Variants in UTRN observed in about 807,000 individuals in gnomAD.
UTRN encodes the protein utrophin, also known as dystrophin-related protein 1.
In UTRN, 283 loss-of-function variants were observed where a neutral mutation model predicts 463.9. That is an observed-to-expected ratio of 0.61 (90% CI 0.55 to 0.67). UTRN has a LOEUF of 0.67. Among genes scored for constraint, UTRN ranks in the 30% least tolerant of loss-of-function variants. UTRN has a pLI of 0.00. For synonymous variants in UTRN, 1,442 were observed against 1,431.5 expected (o/e 1.01, Z -0.17); for missense variants, 3,922 against 4,084.3 (o/e 0.96, Z 1.08).
chr6:144,811,908 C>T (rs1403657596), intron 65 of UTRN, among the ~76,000 whole-genome samples: 1 of 152,104 alleles, frequency 6.6e-6, no homozygotes, highest in Non-Finnish European at 1.5e-5. Context: ...TGTGCATGAT[C>T]CAAATGATAA....
intron 65 of UTRN, among the ~76,000 whole-genome samples, chr6:144,815,744 C>G (rs981774696): frequency 6.6e-6 from 1 of 152,198 alleles, no homozygotes; most frequent in African/African-American, 2.4e-5. Flanking sequence ...TGGTACCCAC[C>G]GGGTTTGAGG....
intron 52 of UTRN, among the ~76,000 whole-genome samples, chr6:144,686,645 C>A (rs1327581361): frequency 6.6e-6 from 1 of 151,652 alleles, no homozygotes; most frequent in African/African-American, 2.4e-5. Flanking sequence ...TATATAATGA[C>A]CTTCTTTGTC....
intron 51 of UTRN, among the ~76,000 whole-genome samples, chr6:144,589,963 C>T (rs543207494): frequency 7.9e-5 from 12 of 151,898 alleles, no homozygotes; most frequent in East Asian, 3.9e-4. Flanking sequence ...GCTATCCTCC[C>T]GCCTCAGCCT....
chr6:144,521,953 A>T lies in UTRN; in HGVS notation c.5542-27A>T, dbSNP rs182507639. The T allele has an allele frequency of 0.037, 37,820 of 1,033,726 alleles. 1,870 individuals are homozygous for T. The highest frequency in any genetic ancestry group is 0.25 in the African/African-American group (13,065 of 52,616). The allele number at this position is 1,033,726 out of a possible 1,614,324, so 64.0% of individuals were successfully genotyped here. On this transcript the variant is annotated intron_variant, in intron 39 of 74. Coordinates refer to ENST00000367545, the MANE Select transcript of UTRN (RefSeq NM_007124.3). Reference sequence around the variant, plus strand: ...TTTTAAGAGATATATATATATATATATATTTTTTTTTTTGCTGTTTTTGTA... The same window carrying T: ...TTTTAAGAGATATATATATATATATTTATTTTTTTTTTTGCTGTTTTTGTA...
chr6:144,846,332 A>C (rs1177421111), intron 73 of UTRN, among the ~76,000 whole-genome samples: 1 of 152,212 alleles, frequency 6.6e-6, no homozygotes. Context: ...TCCTTGATGC[A>C]AGTACTTGGC....
intron 58 of UTRN, among the ~76,000 whole-genome samples, chr6:144,759,401 G>A (rs537730719): frequency 2.6e-5 from 4 of 152,058 alleles, no homozygotes; most frequent in Non-Finnish European, 5.9e-5. Flanking sequence ...ACTTTAATTT[G>A]CTTGGTTGAA....
At chr6:144,842,900 G>T (rs1781711818) in intron 73 of UTRN, among the ~76,000 whole-genome samples, 1 of 151,948 alleles carries the variant, frequency 6.6e-6, no homozygotes, top group Non-Finnish European at 1.5e-5. Context: ...AGCTTAAGAG[G>T]ATCACTGAAT....
At chr6:144,760,429 T>C (rs1330437187) in intron 58 of UTRN, among the ~76,000 whole-genome samples, 1 of 152,204 alleles carries the variant, frequency 6.6e-6, no homozygotes, top group East Asian at 1.9e-4. Context: ...TTAAAATATA[T>C]GTAGTTTTAG....
intron 23 of UTRN, among the ~76,000 whole-genome samples, chr6:144,468,712 AT>A (rs1270838323): frequency 1.3e-5 from 2 of 152,160 alleles, no homozygotes; most frequent in Non-Finnish European, 2.9e-5. Context: ...TAATTTTTAA[AT>A]GGACAGAGAA....
intron 54 of UTRN, among the ~76,000 whole-genome samples, chr6:144,736,774 C>A (rs895865756): frequency 5.9e-5 from 9 of 152,172 alleles, no homozygotes; most frequent in African/African-American, 2.2e-4. Context: ...CCATCCGGCC[C>A]CACCTTGTGC....
chr6:144,287,216 T>A lies in UTRN; in HGVS notation c.-93+1395T>A, dbSNP rs549439849. On this transcript the variant is annotated intron_variant, in intron 1 of 74. Transcript: ENST00000367545. ...GTAGTTCTGCGGTGACGGACAGGGT[T>A]GGCGTGGAACCATTCCCCGCCCCTT... Among the ~76,000 whole-genome samples the A allele has an allele frequency of 2.5e-3, 384 of 152,280 alleles. 5 individuals carry two copies. Among genetic ancestry groups the A allele is most frequent in the Non-Finnish European group, 1.9e-3 (129 of 68,024 alleles).
At chr6:144,469,708 T>A (rs1231912211) in intron 23 of UTRN, among the ~76,000 whole-genome samples, 1 of 150,164 alleles carries the variant, frequency 6.7e-6, no homozygotes, top group Non-Finnish European at 1.5e-5. Flanking sequence ...CTTTCCTTTT[T>A]TTTTTTAGTA....
intron 41 of UTRN, among the ~76,000 whole-genome samples, chr6:144,526,785 C>A (rs1434205980): frequency 8.2e-6 from 1 of 121,938 alleles, no homozygotes; most frequent in Non-Finnish European, 1.7e-5. Flanking sequence ...TTAATAGGTT[C>A]TTTGAGATCT....
At chr6:144,342,363 A>ACACACC (rs1195748690) in intron 2 of UTRN, among the ~76,000 whole-genome samples, 1 of 151,382 alleles carries the variant, frequency 6.6e-6, no homozygotes, top group Admixed American at 6.6e-5. Context: ...ACACACACAC[A>ACACACC]CACACACACA....
At chr6:144,774,898 T>G (rs1775184212) in intron 60 of UTRN, among the ~76,000 whole-genome samples, 1 of 152,214 alleles carries the variant, frequency 6.6e-6, no homozygotes, top group Non-Finnish European at 1.5e-5. Context: ...TGGAATTCTG[T>G]GGCAGTCCTT....
chr6:144,452,104 T>A lies in UTRN; in HGVS notation c.2196+611T>A, dbSNP rs181019353. ...ATCTATAGTCTAGTCTCCTGCCATC[T>A]TAAGAGGTAGCAAAAAATCAACTTG... On this transcript the variant is annotated intron_variant, in intron 18 of 74. Transcript: ENST00000367545. Among the ~76,000 whole-genome samples the A allele has an allele frequency of 3.3e-5, 5 of 152,338 alleles. No homozygotes were observed. The East Asian group carries it at 9.6e-4, about 29-fold the overall frequency.
intron 54 of UTRN, among the ~76,000 whole-genome samples, chr6:144,732,677 T>TGTTAC (rs1457738696): frequency 6.7e-6 from 1 of 149,796 alleles, no homozygotes; most frequent in African/African-American, 2.5e-5. Flanking sequence ...TGTTATGTTA[T>TGTTAC]GTTATGTTAT....
chr6:144,768,530 TA>T (rs768740454), intron 58 of UTRN, among the ~76,000 whole-genome samples: 4 of 152,120 alleles, frequency 2.6e-5, no homozygotes, highest in South Asian at 4.1e-4. Flanking sequence ...TAACTCATAG[TA>T]AGGGAACCAG....
At chr6:144,399,140 C>T (rs945837678) in intron 2 of UTRN, among the ~76,000 whole-genome samples, 2 of 151,970 alleles carry the variant, frequency 1.3e-5, no homozygotes, top group South Asian at 2.1e-4. Context: ...CAGTCTGTAT[C>T]CTGTTGGCTT....
Sources: allele counts gnomAD v4.1 joint callset (sites outside exome capture counted in the v4.1 genomes callset), GRCh38; gene constraint gnomAD v4.1.1; transcripts MANE v1.5; gene names NCBI Gene and HGNC (gene_info 2026-07-23, HGNC 2026-07-21).